OVOL2: variants seen among roughly 807,000 people sequenced by gnomAD.
The protein encoded by OVOL2 is ovo like zinc finger 2, also known as transcription factor Ovo-like 2.
Under a neutral mutation model 18.1 loss-of-function variants are expected in OVOL2, and 13 were observed. The observed-to-expected ratio is 0.72, with a 90% confidence interval of 0.47 to 1.14. The LOEUF (loss-of-function observed/expected upper bound fraction) is 1.14. Ranked by LOEUF, OVOL2 falls within the 50% of genes most tolerant of loss-of-function variation. OVOL2 has a pLI of 0.00. For missense variants in OVOL2, 335 were observed against 383.0 expected, an observed-to-expected ratio of 0.87 and a Z score of 1.05; for synonymous variants, 166 against 162.7, an observed-to-expected ratio of 1.02 and a Z score of -0.16.
Position 18,056,304 on chromosome 20 carries a change from C to T in OVOL2, c.321+353G>A, listed in dbSNP as rs2036824077. Reference sequence around the variant, plus strand: ...TTCCAACCTCAGGAACTCCGACGGCCTTGGTTATTCTACAGGCCTAGCGCA... The same window carrying T: ...TTCCAACCTCAGGAACTCCGACGGCTTTGGTTATTCTACAGGCCTAGCGCA... On this transcript the variant is annotated intron_variant, in intron 2 of 3. Transcript: ENST00000278780. This position sits in a 1 kb window ranked among gnomAD's most constrained non-coding sequence, Gnocchi z 4.2. Among the ~76,000 whole-genome samples the T allele has an allele frequency of 6.6e-6, 1 of 152,222 alleles. No individual in the cohort carries two copies. Among genetic ancestry groups the T allele is most frequent in the South Asian group, 2.1e-4 (1 of 4,836 alleles).
chr20:18,054,338 C>T (rs1277707776), intron 2 of OVOL2, among the ~76,000 whole-genome samples: 1 of 152,212 alleles, frequency 6.6e-6, no homozygotes, highest in African/African-American at 2.4e-5. Context: ...GCATTTTTAC[C>T]TCCTGCTGCC....
chr20:18,054,983 G>C (rs2036806322), intron 2 of OVOL2, among the ~76,000 whole-genome samples: 6 of 152,014 alleles, frequency 3.9e-5, no homozygotes. Context: ...CTTTTTGGGG[G>C]TAGAGGCAGA....
intron 3 of OVOL2, among the ~76,000 whole-genome samples, chr20:18,037,556 A>T (rs1219609610): frequency 6.6e-6 from 1 of 152,088 alleles, no homozygotes; most frequent in Non-Finnish European, 1.5e-5. Context: ...CGGATGCCCC[A>T]CTCATATCCC....
At position 18,056,828 on chromosome 20, in the gene OVOL2, G is replaced by C; in HGVS notation, c.150C>G (p.Asp50Glu). The C allele has an allele frequency of 6.7e-7, 1 of 1,491,420 alleles. No individual in the cohort carries two copies. 92.4% of individuals were successfully genotyped at this position (1,491,420 alleles called of 1,614,324 possible). Residue 50 changes from aspartate (D) to glutamate (E), a missense_variant, in exon 2 of 4, where the codon GAC (aspartate) becomes GAG (glutamate). Coordinates refer to ENST00000278780, the MANE Select transcript of OVOL2 (RefSeq NM_021220.4). This position sits in a 1 kb window ranked among gnomAD's most constrained non-coding sequence, Gnocchi z 4.2. ...TGCCGCTGCCGCTGCTGCTGCCGCC[G>C]TCGCTGCGGCAGTCCTCGGGGGGGT... is the stretch of plus-strand genomic sequence containing the variant. ...LHDPPEDCRSDGGSSSGSGSS... is the reference protein window; with the variant it reads ...LHDPPEDCRSEGGSSSGSGSS...
intron 3 of OVOL2, among the ~76,000 whole-genome samples, chr20:18,025,202 GAAGA>G (rs1260158825): frequency 2.6e-5 from 4 of 152,162 alleles, no homozygotes; most frequent in African/African-American, 9.7e-5. Flanking sequence ...CTTTAGGGAG[GAAGA>G]TTTTTATTCT....
intron 2 of OVOL2, 81 bp from the exon 3 acceptor site, chr20:18,041,804 T>C (rs76578395): frequency 0.033 from 44,958 of 1,353,788 alleles, 912 homozygotes; most frequent in Non-Finnish European, 0.041. Context: ...CACCTCCCTG[T>C]GTCTTGAGGC....
intron 2 of OVOL2, among the ~76,000 whole-genome samples, chr20:18,055,087 G>GC (rs1181089716): frequency 6.6e-5 from 10 of 151,800 alleles, no homozygotes; most frequent in African/African-American, 2.2e-4. Context: ...TGTGCCTCCC[G>GC]CCCCCCTTCC....
intron 2 of OVOL2, among the ~76,000 whole-genome samples, chr20:18,055,057 T>C (rs2036807231): frequency 6.6e-6 from 1 of 152,140 alleles, no homozygotes; most frequent in South Asian, 2.1e-4. Flanking sequence ...AAGAAGACTC[T>C]TAACGGTTCA....
chr20:18,039,414 G>A (rs1346030469), intron 3 of OVOL2, among the ~76,000 whole-genome samples: 1 of 151,980 alleles, frequency 6.6e-6, no homozygotes, highest in African/African-American at 2.4e-5. Flanking sequence ...TTGAGCCCAG[G>A]AGTTTGAGAC....
Position 18,057,837 on chromosome 20 carries a change from A to T in OVOL2, c.-203T>A. ...ACTCCCAGCCTCCCGGCTCGGCGAC[A>T]CCTATGCCTTAAATCGCGAGTGAGA... On this transcript the variant is annotated 5_prime_UTR_variant, in exon 1 of 4. Coordinates refer to ENST00000278780, the MANE Select transcript of OVOL2 (RefSeq NM_021220.4). The surrounding 1 kb of genome is among the most constrained non-coding windows in gnomAD (Gnocchi z 6.3). The T allele has an allele frequency of 5.2e-6, 7 of 1,358,944 alleles. No homozygotes were observed. Among genetic ancestry groups the T allele is most frequent in the Non-Finnish European group, 5.6e-6 (6 of 1,063,278 alleles). 84.2% of individuals were successfully genotyped at this position (1,358,944 alleles called of 1,614,324 possible).
rs2036832025 is a variant in OVOL2 at position 18,056,807 on chromosome 20, G to A, written c.171C>T (p.Ser57=). 1 of 1,491,582 alleles carries A rather than the reference G, an allele frequency of 6.7e-7. No individual in the cohort carries two copies. Among genetic ancestry groups the A allele is most frequent in the Non-Finnish European group, 8.9e-7 (1 of 1,127,958 alleles). The allele number at this position is 1,491,582 out of a possible 1,614,324, so 92.4% of individuals were successfully genotyped here. A position where few individuals can be genotyped will look rare whatever the true frequency, so the allele number is the denominator to read the frequency against. Residue 57 remains serine (S), a synonymous_variant, in exon 2 of 4, where the codon AGC becomes AGT. Transcript: ENST00000278780. The surrounding 1 kb of genome is among the most constrained non-coding windows in gnomAD (Gnocchi z 4.2). ...CAGGCTCCCCCGCGCTGCTGCTGCCGCTGCCGCTGCTGCTGCCGCCGTCGC... is the reference window on the plus strand; with the variant it reads ...CAGGCTCCCCCGCGCTGCTGCTGCCACTGCCGCTGCTGCTGCCGCCGTCGC... ...CRSDGGSSSG[S]GSSSAGEPGG... is the part of the protein sequence containing the mutation.
At chr20:18,038,552 G>A (rs1371682694) in intron 3 of OVOL2, among the ~76,000 whole-genome samples, 1 of 152,166 alleles carries the variant, frequency 6.6e-6, no homozygotes, top group Non-Finnish European at 1.5e-5. Context: ...TTAGTCTCCA[G>A]CAATGGAGAA....
chr20:18,029,815 C>CA (rs1478404418), intron 3 of OVOL2, among the ~76,000 whole-genome samples: 1 of 151,854 alleles, frequency 6.6e-6, no homozygotes, highest in African/African-American at 2.4e-5. Context: ...CCTGTCTTTA[C>CA]AAAAAAGTAA....
chr20:18,042,942 C>G (rs2036688025), intron 2 of OVOL2, among the ~76,000 whole-genome samples: 2 of 152,150 alleles, frequency 1.3e-5, no homozygotes, highest in Admixed American at 6.5e-5. Context: ...CCTGCAGAAC[C>G]ATGAGCCATA....
At chr20:18,041,308 C>CA (rs373376952) in intron 3 of OVOL2, among the ~76,000 whole-genome samples, 20,787 of 147,240 alleles carry the variant, frequency 0.14, 2,236 homozygotes, top group African/African-American at 0.31. Flanking sequence ...GGATTACAGG[C>CA]GCCACCACCA....
At chr20:18,030,900 AC>A (rs2036563202) in intron 3 of OVOL2, among the ~76,000 whole-genome samples, 2 of 152,092 alleles carry the variant, frequency 1.3e-5, no homozygotes, top group East Asian at 3.9e-4. Flanking sequence ...CCCCTTGGTG[AC>A]CCTTTCTAGG....
intron 3 of OVOL2, among the ~76,000 whole-genome samples, chr20:18,032,706 C>G (rs922542576): frequency 6.6e-6 from 1 of 152,074 alleles, no homozygotes; most frequent in African/African-American, 2.4e-5. Flanking sequence ...AGGGTTTCAC[C>G]ATGCTGGCCA....
chr20:18,028,531 G>A (rs1374433949), intron 3 of OVOL2, among the ~76,000 whole-genome samples: 3 of 151,864 alleles, frequency 2.0e-5, no homozygotes, highest in Admixed American at 6.6e-5. Context: ...GGTGGCTCAC[G>A]CTTGTAATCC....
chr20:18,054,195 T>C (rs1000335967), intron 2 of OVOL2, among the ~76,000 whole-genome samples: 1 of 152,236 alleles, frequency 6.6e-6, no homozygotes, highest in Non-Finnish European at 1.5e-5. Context: ...CATTATCATC[T>C]TACAGATAAG....
Sources: allele counts gnomAD v4.1 joint callset (sites outside exome capture counted in the v4.1 genomes callset), GRCh38; gene constraint gnomAD v4.1.1; non-coding constraint Gnocchi (gnomAD v3.1); transcripts MANE v1.5; gene names NCBI Gene and HGNC (gene_info 2026-07-23, HGNC 2026-07-21).